The following ATP11C variants were observed in gnomAD, a reference collection of about 807,000 sequenced individuals.
The protein encoded by ATP11C is ATPase phospholipid transporting 11C (ATP11C blood group).
In ATP11C, 36 loss-of-function variants were observed where a neutral mutation model predicts 97.4. The ratio of observed to expected loss-of-function variants is 0.37; its 90% CI spans 0.28 to 0.49. ATP11C has a LOEUF of 0.49. Ranked by LOEUF, ATP11C falls within the 20% of genes least tolerant of loss-of-function variation. The probability of loss-of-function intolerance (pLI) is 0.98; values close to 1 mark genes in which losing one functional copy is unlikely to be tolerated. For synonymous variants in ATP11C, 275 were observed against 290.9 expected, an observed-to-expected ratio of 0.95 and a Z score of 0.56; for missense variants, 730 against 824.6, an observed-to-expected ratio of 0.89 and a Z score of 1.40.
intron 18 of ATP11C, among the ~76,000 whole-genome samples, chrX:139,781,441 C>T (rs907559708): frequency 8.0e-5 from 9 of 112,661 alleles, no homozygotes; most frequent in Non-Finnish European, 1.7e-4. Flanking sequence ...AGGCCAGGCA[C>T]GGCGGCTCAT....
At chrX:139,763,475 G>A in intron 20 of ATP11C, 57 bp from the exon 21 acceptor site, 1 of 916,172 alleles carries the variant, frequency 1.1e-6, no homozygotes, top group Non-Finnish European at 1.6e-6. Flanking sequence ...GTAAGACTGG[G>A]CTACTTTAGG....
chrX:139,816,493 C>A (rs2083290039), intron 4 of ATP11C, among the ~76,000 whole-genome samples: 1 of 111,929 alleles, frequency 8.9e-6, no homozygotes, highest in Admixed American at 9.5e-5. Context: ...GTATTCTTCC[C>A]TTGAGTTCTC....
chrX:139,866,116 C>T (rs903441794), intron 1 of ATP11C, among the ~76,000 whole-genome samples: 1 of 110,088 alleles, frequency 9.1e-6, no homozygotes, highest in African/African-American at 3.3e-5. Flanking sequence ...CAGGCTGAGG[C>T]GGGCAGATCA....
intron 1 of ATP11C, among the ~76,000 whole-genome samples, chrX:139,848,530 C>T (rs2083943725): frequency 9.2e-6 from 1 of 108,944 alleles, no homozygotes; most frequent in Admixed American, 9.9e-5. Context: ...CACTATGTTG[C>T]CCAGGTTGGA....
chrX:139,742,794 A>G (rs1394005933), intron 26 of ATP11C, among the ~76,000 whole-genome samples: 1 of 106,385 alleles, frequency 9.4e-6, no homozygotes, highest in Non-Finnish European at 1.9e-5. Context: ...GCACTTTATC[A>G]CTAACATGGG....
At chrX:139,772,967 C>T (rs1456903207) in intron 19 of ATP11C, among the ~76,000 whole-genome samples, 3 of 110,355 alleles carry the variant, frequency 2.7e-5, no homozygotes, top group Admixed American at 1.9e-4. Context: ...GGGCCAGGGG[C>T]AGAATGATAT....
At chrX:139,771,813 C>T (rs2082259528) in intron 19 of ATP11C, among the ~76,000 whole-genome samples, 1 of 111,789 alleles carries the variant, frequency 8.9e-6, no homozygotes, top group Non-Finnish European at 1.9e-5. Flanking sequence ...AATCTAGATG[C>T]TGTTAAAAGC....
intron 1 of ATP11C, among the ~76,000 whole-genome samples, chrX:139,836,238 G>A (rs1184125294): frequency 1.8e-5 from 2 of 110,254 alleles, no homozygotes; most frequent in Admixed American, 1.9e-4. Flanking sequence ...GGTTTGGGCC[G>A]GGCACGGTGG....
At chrX:139,866,343 C>CAAAAAAAAAAAAAAAAAAA (rs57250412) in intron 1 of ATP11C, among the ~76,000 whole-genome samples, 12 of 27,548 alleles carry the variant, frequency 4.4e-4, no homozygotes, top group East Asian at 2.3e-3. Context: ...GACTCTGTCT[C>CAAAAAAAAAAAAAAAAAAA]AAAAAAAAAA....
rs1381530612 is a variant in ATP11C at position 139,932,164 on chromosome X, G to A, written c.-122C>T. ...AGCGGAGCAGCGAGGCGGGCGGCCG[G>A]GCCACCCGCTCGCCGCCTGCCCCCC... On this transcript the variant is annotated 5_prime_UTR_variant, in exon 1 of 30. Coordinates refer to ENST00000682941, the MANE Select transcript of ATP11C (RefSeq NM_001353812.2). The A allele has an allele frequency of 3.2e-6, 2 of 621,955 alleles. No homozygotes were observed. Among genetic ancestry groups the A allele is most frequent in the Non-Finnish European group, 4.1e-6 (2 of 488,172 alleles). 51.3% of individuals were successfully genotyped at this position (621,955 alleles called of 1,213,427 possible).
At chrX:139,742,756 CT>C (rs1410626866) in intron 26 of ATP11C, among the ~76,000 whole-genome samples, 1 of 108,693 alleles carries the variant, frequency 9.2e-6, no homozygotes, top group Non-Finnish European at 1.9e-5. Context: ...AATTACCTCC[CT>C]TTTGTTTACC....
chrX:139,819,933 C>T (rs2083368473), intron 2 of ATP11C, among the ~76,000 whole-genome samples: 1 of 112,158 alleles, frequency 8.9e-6, no homozygotes, highest in South Asian at 3.7e-4. Context: ...CACCTGTAAT[C>T]CCAGCACTCT....
chrX:139,763,076 C>G (rs978600857), intron 21 of ATP11C, among the ~76,000 whole-genome samples: 2 of 112,579 alleles, frequency 1.8e-5, no homozygotes, highest in Non-Finnish European at 3.8e-5. Flanking sequence ...ATTCACTCTA[C>G]TTGGCTAATT....
In ATP11C at chrX:139,878,537, T is replaced by C. The variant is rs763378962; in HGVS notation, c.28-51714A>G. On this transcript the variant is annotated intron_variant, in intron 1 of 29. Transcript: ENST00000682941. ...TTTAACTATGGATTACATAGATTCA[T>C]TCATTCAAAGAACATTTATTGAGCA... Among the ~76,000 whole-genome samples the C allele has an allele frequency of 2.7e-5, 3 of 112,246 alleles. No homozygotes were observed. The South Asian group carries it at 1.1e-3, about 41-fold the overall frequency.
intron 5 of ATP11C, among the ~76,000 whole-genome samples, chrX:139,814,475 A>G (rs1197456331): frequency 8.9e-6 from 1 of 112,399 alleles, no homozygotes; most frequent in Non-Finnish European, 1.9e-5. Context: ...CAAAAGGTAG[A>G]AACAACCCAA....
intron 1 of ATP11C, among the ~76,000 whole-genome samples, chrX:139,919,662 G>A (rs1399488693): frequency 8.9e-6 from 1 of 112,830 alleles, no homozygotes; most frequent in Non-Finnish European, 1.9e-5. Flanking sequence ...GCTCACACCT[G>A]TAATTCCGGC....
chrX:139,872,269 GATAAA>G (rs1327503225), intron 1 of ATP11C, among the ~76,000 whole-genome samples: 3 of 35,832 alleles, frequency 8.4e-5, no homozygotes, highest in Non-Finnish European at 1.4e-4. Context: ...TTCCCAGAAA[GATAAA>G]ATAAAAATGT....
chrX:139,755,261 G>A (rs957621970), intron 23 of ATP11C, among the ~76,000 whole-genome samples: 1 of 111,656 alleles, frequency 9.0e-6, no homozygotes, highest in Non-Finnish European at 1.9e-5. Context: ...GAAATGCCTA[G>A]AAATACAGCT....
At chrX:139,787,303 T>C in intron 14 of ATP11C, 59 bp from the exon 15 acceptor site, 2 of 999,661 alleles carry the variant, frequency 2.0e-6, no homozygotes, top group Non-Finnish European at 1.3e-6. Context: ...ATTTTTTTAT[T>C]ATTATTTTTT....
Sources: allele counts gnomAD v4.1 joint callset (sites outside exome capture counted in the v4.1 genomes callset), GRCh38; gene constraint gnomAD v4.1.1; transcripts MANE v1.5; gene names NCBI Gene and HGNC (gene_info 2026-07-23, HGNC 2026-07-21).